MGST1: variants seen among roughly 807,000 people sequenced by gnomAD.
MGST1 encodes the protein microsomal glutathione S-transferase 1, also known as glutathione S-transferase 12.
MGST1 carries 5 observed loss-of-function variants against 8.9 expected under a neutral mutation model. The observed-to-expected ratio is 0.56, with a 90% CI of 0.29 to 1.19. MGST1 has a LOEUF of 1.19. Ranked by LOEUF, MGST1 falls within the 50% of genes most tolerant of loss-of-function variation. MGST1 has a pLI of 0.08. For synonymous variants in MGST1, 54 were observed against 67.8 expected (o/e 0.80, Z 1.00); for missense variants, 182 against 187.4 (o/e 0.97, Z 0.17).
At chr12:16,358,582 T>C (rs2136962664) in intron 3 of MGST1, among the ~76,000 whole-genome samples, 1 of 151,962 alleles carries the variant, frequency 6.6e-6, no homozygotes, top group African/African-American at 2.4e-5. Context: ...TTCTCCTGCC[T>C]CAGCCTCCTG....
intron 1 of MGST1, among the ~76,000 whole-genome samples, chr12:16,394,277 T>C (rs1044996524): frequency 2.6e-5 from 4 of 151,580 alleles, no homozygotes; most frequent in African/African-American, 9.7e-5. Context: ...GTATCTTTTC[T>C]TTTTTTTCTG....
downstream of MGST1, among the ~76,000 whole-genome samples, chr12:16,367,922 T>TTTTTTTTTTTTTTTTTTTAGACGGA (rs1565440579): frequency 6.6e-6 from 1 of 152,192 alleles, no homozygotes; most frequent in Admixed American, 6.5e-5. Context: ...TCCTGTTTCT[T>TTTTTTTTTTTTTTTTTTTAGACGGA]GGGCTATCCA....
At chr12:16,431,591 T>A (rs1940940365) in intron 1 of MGST1, among the ~76,000 whole-genome samples, 1 of 152,070 alleles carries the variant, frequency 6.6e-6, no homozygotes, top group South Asian at 2.1e-4. Context: ...GAACCCACAG[T>A]ACACCATCTT....
At position 16,361,620 on chromosome 12, in the gene MGST1, G is replaced by A. The variant is rs1940001019; in HGVS notation, c.222-2175G>A. Reference sequence around the variant, plus strand: ...TGGAGAAGAGGGGAGGGTTAGGACGGAAGGGTGATAGTGCACTGCAGCAGG... The same window carrying A: ...TGGAGAAGAGGGGAGGGTTAGGACGAAAGGGTGATAGTGCACTGCAGCAGG... On this transcript the variant is annotated intron_variant, in intron 3 of 3. Transcript: ENST00000396210. The surrounding 1 kb of genome is among the most constrained non-coding windows in gnomAD (Gnocchi z 4.2). 1.3e-5 allele frequency among the ~76,000 whole-genome samples: 2 copies of A among 152,166 alleles called. No individual in the cohort carries two copies. The highest frequency in any genetic ancestry group is 1.3e-4 in the Admixed American group (2 of 15,278).
At chr12:16,442,342 C>T (rs1243088735), downstream of MGST1, among the ~76,000 whole-genome samples, 1 of 151,766 alleles carries the variant, frequency 6.6e-6, no homozygotes, top group Non-Finnish European at 1.5e-5. This position sits in a 1 kb window ranked among gnomAD's most constrained non-coding sequence, Gnocchi z 4.5. Flanking sequence ...TCAATTATTT[C>T]TTTCATGAAT....
intron 1 of MGST1, among the ~76,000 whole-genome samples, chr12:16,390,324 AC>A (rs1940540618): frequency 6.6e-6 from 1 of 152,236 alleles, no homozygotes; most frequent in Non-Finnish European, 1.5e-5. Flanking sequence ...TAAACTCTAA[AC>A]ATATGCATAT....
intron 4 of MGST1, among the ~76,000 whole-genome samples, chr12:16,510,550 C>T (rs1456055422): frequency 6.6e-6 from 1 of 152,182 alleles, no homozygotes; most frequent in African/African-American, 2.4e-5. Flanking sequence ...ATTACCTTAT[C>T]AGTATGCAAA....
At chr12:16,444,838 G>C (rs746900983) in intron 4 of MGST1, among the ~76,000 whole-genome samples, 9 of 151,882 alleles carry the variant, frequency 5.9e-5, no homozygotes, top group Non-Finnish European at 1.3e-4. Flanking sequence ...TAACAGAAGT[G>C]AGCTCGTGGA....
chr12:16,373,305 T>C (rs1035890632), intron 3 of MGST1, among the ~76,000 whole-genome samples: 1 of 151,604 alleles, frequency 6.6e-6, no homozygotes, highest in African/African-American at 2.4e-5. Flanking sequence ...TTTGAGAATA[T>C]GGTTGGATGG....
intron 3 of MGST1, among the ~76,000 whole-genome samples, chr12:16,375,720 G>A (rs1940368510): frequency 6.6e-6 from 1 of 152,020 alleles, no homozygotes; most frequent in South Asian, 2.1e-4. Flanking sequence ...ATTTGAATTA[G>A]AAGTATTAGT....
At position 16,584,106 on chromosome 12, in the gene MGST1, C is replaced by G. The variant is rs1163044579; in HGVS notation, n.483-5422C>G. Among the ~76,000 whole-genome samples, 1 of 152,164 alleles carries G rather than the reference C, an allele frequency of 6.6e-6. No homozygotes were observed. Among genetic ancestry groups the G allele is most frequent in the Non-Finnish European group, 1.5e-5 (1 of 68,026 alleles). On this transcript the variant is annotated intron_variant and non_coding_transcript_variant, in intron 4 of 4. Coordinates refer to the MGST1 transcript ENST00000538857. This position sits in a 1 kb window ranked among gnomAD's most constrained non-coding sequence, Gnocchi z 5.2. ...GGGCTTGGTTTCAAGTGAGTCATCTCTAAGCCTTTTAGAATCCCTAGAATT... is the reference window on the plus strand; with the variant it reads ...GGGCTTGGTTTCAAGTGAGTCATCTGTAAGCCTTTTAGAATCCCTAGAATT...
At chr12:16,388,365 G>C (rs1940523051) in intron 1 of MGST1, among the ~76,000 whole-genome samples, 1 of 152,074 alleles carries the variant, frequency 6.6e-6, no homozygotes, top group African/African-American at 2.4e-5. Context: ...TGAGTGAGTG[G>C]GGAGTGAACG....
chr12:16,491,001 A>G (rs1250372716), intron 4 of MGST1, among the ~76,000 whole-genome samples: 1 of 152,178 alleles, frequency 6.6e-6, no homozygotes, highest in Non-Finnish European at 1.5e-5. Context: ...CCATGCAGAG[A>G]ATCTTACTCT....
chr12:16,488,244 T>C (rs1413967354), intron 4 of MGST1, among the ~76,000 whole-genome samples: 1 of 152,194 alleles, frequency 6.6e-6, no homozygotes, highest in East Asian at 1.9e-4. Context: ...TAAAATGTGC[T>C]TACTCCAAGC....
Position 16,364,323 on chromosome 12 carries a change from T to A in MGST1, c.*282T>A. ...TTGTAACATTCACACAACACCTCAC[T>A]TTTGAATCTATAAAAGAATTGCACG... On this transcript the variant is annotated 3_prime_UTR_variant, in exon 4 of 4. Transcript: ENST00000396210. This position sits in a 1 kb window ranked among gnomAD's most constrained non-coding sequence, Gnocchi z 5.7. 9.3e-7 allele frequency: 1 copy of A among 1,071,800 alleles called. No individual in the cohort carries two copies. Among genetic ancestry groups the A allele is most frequent in the Non-Finnish European group, 1.1e-6 (1 of 885,388 alleles). The allele number at this position is 1,071,800 out of a possible 1,614,324, so 66.4% of individuals were successfully genotyped here.
rs541652525 is a variant in MGST1 at position 16,570,051 on chromosome 12, A to T, written n.483-19477A>T. ...TTAGATACTACACATCTCTCCCTTGATATAGCTCAGGAAGCTGCTAGTTTC... is the reference window on the plus strand; with the variant it reads ...TTAGATACTACACATCTCTCCCTTGTTATAGCTCAGGAAGCTGCTAGTTTC... On this transcript the variant is annotated intron_variant and non_coding_transcript_variant, in intron 4 of 4. Transcript: ENST00000538857. Among the ~76,000 whole-genome samples the T allele has an allele frequency of 3.9e-5, 6 of 152,292 alleles. No homozygotes were observed. The East Asian group carries it at 1.2e-3, about 29-fold the overall frequency.
intron 1 of MGST1, among the ~76,000 whole-genome samples, chr12:16,432,900 T>C (rs1940951866): frequency 6.6e-6 from 1 of 151,972 alleles, no homozygotes. Context: ...GGACAGTCAA[T>C]GGTGTCTGTC....
chr12:16,480,755 T>C (rs1483324713), intron 4 of MGST1, among the ~76,000 whole-genome samples: 1 of 152,124 alleles, frequency 6.6e-6, no homozygotes, highest in Non-Finnish European at 1.5e-5. Flanking sequence ...TTCTCTCACA[T>C]ATTTTTTTTG....
intron 4 of MGST1, among the ~76,000 whole-genome samples, chr12:16,543,650 A>C (rs1187118663): frequency 6.6e-6 from 1 of 151,990 alleles, no homozygotes; most frequent in Non-Finnish European, 1.5e-5. Context: ...AATGCTGTAA[A>C]GTAGGTATTA....
Sources: allele counts gnomAD v4.1 joint callset (sites outside exome capture counted in the v4.1 genomes callset), GRCh38; gene constraint gnomAD v4.1.1; non-coding constraint Gnocchi (gnomAD v3.1); transcripts MANE v1.5; gene names NCBI Gene and HGNC (gene_info 2026-07-23, HGNC 2026-07-21).